The following COMMD10 variants were observed in gnomAD, a reference collection of about 807,000 sequenced individuals.
COMMD10 encodes COMM domain-containing protein 10.
A neutral mutation model predicts 28.9 loss-of-function variants in COMMD10; 33 were observed. The observed-to-expected ratio is 1.14, with a 90% CI of 0.87 to 1.53. COMMD10 has a LOEUF of 1.53. COMMD10 is among the 40% of genes most tolerant of loss of function. The pLI is 0.00. For synonymous variants in COMMD10, 110 were observed against 81.7 expected (o/e 1.35, Z -1.87); for missense variants, 310 against 233.4 (o/e 1.33, Z -2.14).
At chr5:116,257,288 G>A (rs1161584177) in intron 5 of COMMD10, among the ~76,000 whole-genome samples, 4 of 151,572 alleles carry the variant, frequency 2.6e-5, no homozygotes, top group African/African-American at 9.7e-5. Flanking sequence ...CAGATTTTCA[G>A]ATTAGGGATG....
At chr5:116,280,059 T>G (rs1450847371) in intron 5 of COMMD10, among the ~76,000 whole-genome samples, 1 of 151,878 alleles carries the variant, frequency 6.6e-6, no homozygotes, top group Non-Finnish European at 1.5e-5. Context: ...AATGACATGT[T>G]TCACTTTTAT....
chr5:116,221,417 G>A (rs1178375842), intron 5 of COMMD10, among the ~76,000 whole-genome samples: 1 of 152,004 alleles, frequency 6.6e-6, no homozygotes, highest in African/African-American at 2.4e-5. Context: ...CAGTATATTG[G>A]TCCGTTACTG....
chr5:116,145,295 G>C (rs1057099400), intron 5 of COMMD10, among the ~76,000 whole-genome samples: 1 of 151,852 alleles, frequency 6.6e-6, no homozygotes, highest in Non-Finnish European at 1.5e-5. Flanking sequence ...ACGACTTTGA[G>C]AGGAGAACTG....
At chr5:116,222,680 G>T (rs1490353629) in intron 5 of COMMD10, among the ~76,000 whole-genome samples, 1 of 152,020 alleles carries the variant, frequency 6.6e-6, no homozygotes, top group Non-Finnish European at 1.5e-5. Context: ...ACAACATTTA[G>T]CCTATTTATT....
At chr5:116,095,074 A>G (rs150294280) in intron 4 of COMMD10, among the ~76,000 whole-genome samples, 71 of 152,312 alleles carry the variant, frequency 4.7e-4, no homozygotes, top group African/African-American at 1.6e-3. Context: ...GGGTACAAAC[A>G]TATAATCAGA....
intron 5 of COMMD10, among the ~76,000 whole-genome samples, chr5:116,203,967 C>T (rs1313269074): frequency 2.0e-5 from 3 of 152,096 alleles, no homozygotes; most frequent in Non-Finnish European, 4.4e-5. Flanking sequence ...AGAGTCAAGA[C>T]CCATCAGTGT....
At chr5:116,250,823 G>T (rs1750091241) in intron 5 of COMMD10, among the ~76,000 whole-genome samples, 1 of 151,884 alleles carries the variant, frequency 6.6e-6, no homozygotes, top group Non-Finnish European at 1.5e-5. Context: ...TCTGCAACTG[G>T]GACAATTGGC....
intron 4 of COMMD10, among the ~76,000 whole-genome samples, chr5:116,108,266 G>T (rs1263227806): frequency 6.6e-6 from 1 of 152,226 alleles, no homozygotes; most frequent in African/African-American, 2.4e-5. Flanking sequence ...TGCTGAAGCT[G>T]CACCCACAGC....
intron 5 of COMMD10, among the ~76,000 whole-genome samples, chr5:116,282,201 A>G (rs995698443): frequency 7.3e-5 from 11 of 151,492 alleles, no homozygotes; most frequent in African/African-American, 2.7e-4. Context: ...GACTCGTTTT[A>G]TTTTTTCACT....
intron 5 of COMMD10, among the ~76,000 whole-genome samples, chr5:116,266,506 A>G (rs1750587831): frequency 6.6e-6 from 1 of 151,832 alleles, no homozygotes; most frequent in Non-Finnish European, 1.5e-5. Flanking sequence ...TGTAAGCTGA[A>G]CTTTGATGCA....
chr5:116,122,640 G>A (rs987180137), intron 4 of COMMD10, among the ~76,000 whole-genome samples: 5 of 152,076 alleles, frequency 3.3e-5, no homozygotes, highest in African/African-American at 4.8e-5. Context: ...ATTTGTTTGT[G>A]TCCTCTTTTA....
chr5:116,160,498 A>C (rs1017501005), intron 5 of COMMD10, among the ~76,000 whole-genome samples: 2 of 152,214 alleles, frequency 1.3e-5, no homozygotes, highest in African/African-American at 4.8e-5. Flanking sequence ...CAGGAATGCA[A>C]CTGAAGTTGG....
At chr5:116,180,733 C>G (rs1172734802) in intron 5 of COMMD10, among the ~76,000 whole-genome samples, 2 of 151,808 alleles carry the variant, frequency 1.3e-5, no homozygotes, top group Non-Finnish European at 2.9e-5. Flanking sequence ...TTTATAAAAT[C>G]AATTTTTTTG....
At chr5:116,205,712 T>A (rs1396565902) in intron 5 of COMMD10, among the ~76,000 whole-genome samples, 1 of 152,132 alleles carries the variant, frequency 6.6e-6, no homozygotes, top group Non-Finnish European at 1.5e-5. Flanking sequence ...AAATATAAAA[T>A]TAAAAAATGA....
At chr5:116,268,512 A>C (rs1199685369) in intron 5 of COMMD10, among the ~76,000 whole-genome samples, 2 of 151,958 alleles carry the variant, frequency 1.3e-5, no homozygotes, top group East Asian at 3.8e-4. Context: ...GAGACTGTAA[A>C]CTAGTTCAAC....
chr5:116,142,333 G>A (rs1194627227), intron 5 of COMMD10, among the ~76,000 whole-genome samples: 31 of 151,766 alleles, frequency 2.0e-4, no homozygotes, highest in Non-Finnish European at 4.4e-5. Context: ...TTTGTTTCTA[G>A]TATTTTCCTG....
chr5:116,149,972 AGGTTTTTAT>A (rs1561632083), intron 5 of COMMD10, among the ~76,000 whole-genome samples: 1 of 151,894 alleles, frequency 6.6e-6, no homozygotes, highest in African/African-American at 2.4e-5. Context: ...TTTTCTTCTA[AGGTTTTTAT>A]GGTTTTAGGT....
At chr5:116,247,105 G>A (rs1011822530) in intron 5 of COMMD10, among the ~76,000 whole-genome samples, 6 of 150,870 alleles carry the variant, frequency 4.0e-5, no homozygotes, top group African/African-American at 9.7e-5. Context: ...GTATCTATAC[G>A]GAACTTAAAT....
At chr5:116,215,434 A>G (rs1749068947) in intron 5 of COMMD10, among the ~76,000 whole-genome samples, 1 of 151,722 alleles carries the variant, frequency 6.6e-6, no homozygotes, top group Non-Finnish European at 1.5e-5. Context: ...TATATTAAAT[A>G]TTTTACCACT....
Sources: gnomAD v4.1 joint callset for allele counts (sites outside exome capture counted in the v4.1 genomes callset) on GRCh38, gnomAD v4.1.1 for gene constraint, MANE v1.5 for transcripts, NCBI Gene and HGNC (gene_info 2026-07-23, HGNC 2026-07-21) for gene names.